SLC9A9: variants seen among roughly 807,000 people sequenced by gnomAD.
The protein encoded by SLC9A9 is solute carrier family 9 member A9, also known as sodium/hydrogen exchanger 9.
A neutral mutation model predicts 77.8 loss-of-function variants in SLC9A9; 62 were observed. The observed-to-expected ratio is 0.80, with a 90% confidence interval of 0.65 to 0.98. The LOEUF is 0.98. Ranked by LOEUF, SLC9A9 falls within the 50% of genes least tolerant of loss-of-function variation. The probability of loss-of-function intolerance (pLI) is 0.00; values close to 1 mark genes in which losing one functional copy is unlikely to be tolerated. For synonymous variants in SLC9A9, 320 were observed against 283.5 expected (o/e 1.13, Z -1.29); for missense variants, 775 against 774.9 (o/e 1.00, Z 0.00).
At chr3:143,804,272 T>C (rs2008649349) in intron 2 of SLC9A9, among the ~76,000 whole-genome samples, 1 of 152,158 alleles carries the variant, frequency 6.6e-6, no homozygotes, top group Non-Finnish European at 1.5e-5. Context: ...TTACCCTGTA[T>C]TTCACTCCAT....
At chr3:143,367,923 TACA>T (rs923624206) in intron 13 of SLC9A9, among the ~76,000 whole-genome samples, 1 of 152,198 alleles carries the variant, frequency 6.6e-6, no homozygotes, top group Non-Finnish European at 1.5e-5. Flanking sequence ...TGAGTTTAGT[TACA>T]ACATTTTAGT....
intron 14 of SLC9A9, among the ~76,000 whole-genome samples, chr3:143,290,334 T>C (rs1416032942): frequency 6.6e-6 from 1 of 152,226 alleles, no homozygotes; most frequent in Non-Finnish European, 1.5e-5. Flanking sequence ...TGCAAGTTCC[T>C]TGATGACAGG....
At chr3:143,620,816 G>T (rs1417872551) in intron 6 of SLC9A9, among the ~76,000 whole-genome samples, 1 of 152,176 alleles carries the variant, frequency 6.6e-6, no homozygotes, top group Non-Finnish European at 1.5e-5. Flanking sequence ...GCAGGGCGAG[G>T]CATTGTCTCA....
intron 6 of SLC9A9, among the ~76,000 whole-genome samples, chr3:143,581,873 A>G (rs976128479): frequency 3.3e-5 from 5 of 152,208 alleles, no homozygotes; most frequent in Non-Finnish European, 1.5e-5. Context: ...GGTGAGACTC[A>G]GAACTTCTCA....
At chr3:143,487,320 A>G (rs567974336) in intron 11 of SLC9A9, among the ~76,000 whole-genome samples, 23 of 151,984 alleles carry the variant, frequency 1.5e-4, no homozygotes, top group Non-Finnish European at 2.9e-4. Context: ...CAATTCTACA[A>G]TAATAGTTGG....
chr3:143,669,799 G>A (rs2039130409), intron 5 of SLC9A9, among the ~76,000 whole-genome samples: 1 of 152,064 alleles, frequency 6.6e-6, no homozygotes, highest in South Asian at 2.1e-4. Context: ...AAGCTTCCTT[G>A]GTAAAATGGG....
At chr3:143,481,492 A>T (rs2035573330) in intron 11 of SLC9A9, among the ~76,000 whole-genome samples, 1 of 152,224 alleles carries the variant, frequency 6.6e-6, no homozygotes, top group Non-Finnish European at 1.5e-5. Flanking sequence ...TGCTGATCAG[A>T]TGGCAAATGG....
At chr3:143,787,647 C>T (rs2008094299) in intron 4 of SLC9A9, among the ~76,000 whole-genome samples, 1 of 152,006 alleles carries the variant, frequency 6.6e-6, no homozygotes, top group South Asian at 2.1e-4. Context: ...TTTTTCACTG[C>T]TGTGTAATAT....
intron 2 of SLC9A9, among the ~76,000 whole-genome samples, chr3:143,820,091 G>A (rs1461516285): frequency 6.6e-6 from 1 of 152,190 alleles, no homozygotes; most frequent in Non-Finnish European, 1.5e-5. Flanking sequence ...TGCTTCACAT[G>A]AATTTTCTCA....
At chr3:143,797,207 AGGCTTCTTAC>A (rs1296721618) in intron 2 of SLC9A9, among the ~76,000 whole-genome samples, 1 of 150,988 alleles carries the variant, frequency 6.6e-6, no homozygotes, top group Non-Finnish European at 1.5e-5. Context: ...ATATGTATAT[AGGCTTCTTAC>A]AAGGATTTAT....
chr3:143,302,722 T>C (rs2030579328), intron 14 of SLC9A9, among the ~76,000 whole-genome samples: 2 of 152,128 alleles, frequency 1.3e-5, no homozygotes, highest in African/African-American at 2.4e-5. Flanking sequence ...TATTCCTTAC[T>C]GGGAACAGAC....
chr3:143,353,346 G>A (rs939010741), intron 14 of SLC9A9, among the ~76,000 whole-genome samples: 31 of 152,294 alleles, frequency 2.0e-4, no homozygotes, highest in South Asian at 1.0e-3. Flanking sequence ...GAGCTTTTGG[G>A]AGGTGATTAG....
At chr3:143,479,743 T>A (rs564361385) in intron 11 of SLC9A9, among the ~76,000 whole-genome samples, 4 of 152,282 alleles carry the variant, frequency 2.6e-5, no homozygotes, top group African/African-American at 9.6e-5. Context: ...GGCCTTTGTC[T>A]TCTACAGGGA....
chr3:143,487,470 G>C (rs549761825), intron 11 of SLC9A9, among the ~76,000 whole-genome samples: 1 of 151,728 alleles, frequency 6.6e-6, no homozygotes, highest in Admixed American at 6.6e-5. Flanking sequence ...AACATACACA[G>C]TCTTCTCAAG....
At chr3:143,661,248 T>C (rs1263586870) in intron 5 of SLC9A9, among the ~76,000 whole-genome samples, 1 of 152,214 alleles carries the variant, frequency 6.6e-6, no homozygotes, top group Non-Finnish European at 1.5e-5. Flanking sequence ...TTGAGCTTTT[T>C]TGTATTTTCT....
intron 11 of SLC9A9, among the ~76,000 whole-genome samples, 166 bp from the exon 12 acceptor site, chr3:143,467,356 T>C (rs1027573307): frequency 1.1e-4 from 17 of 152,356 alleles, no homozygotes; most frequent in Admixed American, 7.2e-4. Flanking sequence ...AGAAAGACAC[T>C]GTGTACTATT....
chr3:143,791,212 T>A, intron 4 of SLC9A9, among the ~76,000 whole-genome samples: 1 of 152,328 alleles, frequency 6.6e-6, no homozygotes, highest in South Asian at 2.1e-4. Context: ...CCGAGCAATC[T>A]ATCATTGAAA....
chr3:143,698,781 C>T (rs866657746), intron 4 of SLC9A9, among the ~76,000 whole-genome samples: 2 of 152,060 alleles, frequency 1.3e-5, no homozygotes, highest in Non-Finnish European at 2.9e-5. Flanking sequence ...TAGGGATAAG[C>T]AAAGGAAGTT....
intron 14 of SLC9A9, among the ~76,000 whole-genome samples, chr3:143,336,183 A>C (rs1300228465): frequency 6.6e-6 from 1 of 152,198 alleles, no homozygotes; most frequent in Non-Finnish European, 1.5e-5. Flanking sequence ...AGGAGACTAC[A>C]TAATGAGATA....
Sources: gnomAD v4.1 joint callset for allele counts (sites outside exome capture counted in the v4.1 genomes callset) on GRCh38, gnomAD v4.1.1 for gene constraint, MANE v1.5 for transcripts, NCBI Gene and HGNC (gene_info 2026-07-23, HGNC 2026-07-21) for gene names.